The following DNAH11 variants were observed in gnomAD, a reference collection of about 807,000 sequenced individuals.
The protein encoded by DNAH11 is dynein axonemal heavy chain 11.
In DNAH11, 442 loss-of-function variants were observed where a neutral mutation model predicts 526.0. The ratio of observed to expected loss-of-function variants is 0.84; its 90% CI spans 0.78 to 0.91. The LOEUF (loss-of-function observed/expected upper bound fraction) is 0.91, where lower values mean the gene tolerates loss of function less well. Among genes scored for constraint, DNAH11 ranks in the 40% least tolerant of loss-of-function variants. The pLI is 0.00. For missense variants in DNAH11, 6,989 were observed against 5,448.7 expected (o/e 1.28, Z -8.90); for synonymous variants, 2,461 against 1,935.9 (o/e 1.27, Z -7.12).
intron 28 of DNAH11, among the ~76,000 whole-genome samples, chr7:21,647,575 G>A (rs989238674): frequency 1.3e-5 from 2 of 151,842 alleles, no homozygotes; most frequent in African/African-American, 2.4e-5. Context: ...GACTACAGGC[G>A]CCTACCACCA....
At position 21,662,826 on chromosome 7, in the gene DNAH11, T is replaced by A. The variant is rs899516224; in HGVS notation, c.5328+3795T>A. 1.3e-5 allele frequency among the ~76,000 whole-genome samples: 2 copies of A among 152,120 alleles called. 1 individual carries two copies. The highest frequency in any genetic ancestry group is 1.3e-4 in the Admixed American group (2 of 15,248). ...TAAATTGGACTTTTTCATTTAAAAT[T>A]TTTTTAAATTTTATTTGCAGAAATG... On this transcript the variant is annotated intron_variant, in intron 30 of 81. Transcript: ENST00000409508.
At chr7:21,743,381 T>A (rs1786002074) in intron 49 of DNAH11, among the ~76,000 whole-genome samples, 1 of 152,192 alleles carries the variant, frequency 6.6e-6, no homozygotes, top group African/African-American at 2.4e-5. Context: ...AAGGACAGTG[T>A]TTATGTATTT....
At chr7:21,611,694 G>T (rs1267187710) in intron 20 of DNAH11, among the ~76,000 whole-genome samples, 2 of 152,160 alleles carry the variant, frequency 1.3e-5, no homozygotes, top group African/African-American at 4.8e-5. Context: ...TGTTAGAAAT[G>T]ATGATTAGGC....
At chr7:21,741,795 A>T in intron 48 of DNAH11, 132 bp from the exon 49 acceptor site, 2 of 1,008,584 alleles carry the variant, frequency 2.0e-6, no homozygotes, top group Non-Finnish European at 1.4e-6. Context: ...CCAACCCCAG[A>T]GTCAGAGTGG....
chr7:21,673,667 A>G (rs1186583516), intron 30 of DNAH11, among the ~76,000 whole-genome samples: 4 of 152,130 alleles, frequency 2.6e-5, no homozygotes, highest in Non-Finnish European at 1.5e-5. Context: ...GTAATTAAAC[A>G]TGCCCAACTC....
intron 29 of DNAH11, 92 bp from the exon 30 acceptor site, chr7:21,658,702 GGCAT>G: frequency 1.0e-6 from 1 of 972,480 alleles, no homozygotes. Context: ...ATCCACCTGG[GGCAT>G]TACCCTCTGC....
chr7:21,863,611 A>G (rs575130790), intron 69 of DNAH11, among the ~76,000 whole-genome samples: 5 of 152,258 alleles, frequency 3.3e-5, no homozygotes, highest in Non-Finnish European at 7.4e-5. Flanking sequence ...CAGGCATGAA[A>G]TACTTGTTTT....
intron 8 of DNAH11, among the ~76,000 whole-genome samples, chr7:21,572,694 C>A (rs73066486): frequency 0.12 from 17,707 of 152,206 alleles, 1,265 homozygotes; most frequent in East Asian, 0.21. Context: ...ACAATTGATT[C>A]TTTGAAGTGT....
chr7:21,808,289 G>A (rs990864688), intron 63 of DNAH11, among the ~76,000 whole-genome samples: 2 of 151,946 alleles, frequency 1.3e-5, no homozygotes, highest in African/African-American at 4.8e-5. Flanking sequence ...TATTTTTGGG[G>A]TAATGTGATA....
At chr7:21,663,589 C>G (rs1256046382) in intron 30 of DNAH11, among the ~76,000 whole-genome samples, 2 of 151,970 alleles carry the variant, frequency 1.3e-5, no homozygotes, top group Admixed American at 6.6e-5. Context: ...AGCATTTTTT[C>G]AGATGTCCTT....
At chr7:21,664,134 G>T (rs867267282) in intron 30 of DNAH11, among the ~76,000 whole-genome samples, 34 of 131,350 alleles carry the variant, frequency 2.6e-4, no homozygotes, top group Non-Finnish European at 3.4e-4. Context: ...ATTTCCCAAA[G>T]TTTTTTTTTT....
chr7:21,880,951 G>C, intron 75 of DNAH11, 58 bp downstream of exon 75: 1 of 1,446,094 alleles, frequency 6.9e-7, no homozygotes, highest in Non-Finnish European at 9.3e-7. Context: ...GTCAGTCTTT[G>C]GGCACTATCA....
chr7:21,685,597 G>A (rs1783339308), intron 32 of DNAH11, among the ~76,000 whole-genome samples: 1 of 152,182 alleles, frequency 6.6e-6, no homozygotes, highest in African/African-American at 2.4e-5. Flanking sequence ...GTAGGCAGGG[G>A]AGATAGTGTC....
rs148598446 is a variant in DNAH11 at position 21,587,509 on chromosome 7, G to A, written c.1711-555G>A. 5.9e-3 allele frequency among the ~76,000 whole-genome samples: 903 copies of A among 152,258 alleles called. 7 individuals are homozygous for A. The highest frequency in any genetic ancestry group is 0.02 in the African/African-American group (843 of 41,544). Reference sequence around the variant, plus strand: ...TTTGAGCCAGGACAGTCATCCACCTGTGGAGTGGTTGTCCTTGTAACAGTC... The same window carrying A: ...TTTGAGCCAGGACAGTCATCCACCTATGGAGTGGTTGTCCTTGTAACAGTC... On this transcript the variant is annotated intron_variant, in intron 9 of 81. Transcript: ENST00000409508.
chr7:21,596,228 C>G (rs1784856121), intron 14 of DNAH11, among the ~76,000 whole-genome samples: 1 of 152,158 alleles, frequency 6.6e-6, no homozygotes, highest in African/African-American at 2.4e-5. Context: ...ACAAGGTCCA[C>G]AAACAGGCTG....
At chr7:21,818,167 A>G (rs1562564470) in intron 64 of DNAH11, 50 bp from the exon 65 acceptor site, 1 of 1,575,848 alleles carries the variant, frequency 6.3e-7, no homozygotes, top group Admixed American at 1.9e-5. Context: ...AATTTTGAAC[A>G]TTTTGTGCCA....
chr7:21,747,024 G>T (rs1786179607), intron 51 of DNAH11, among the ~76,000 whole-genome samples: 1 of 152,180 alleles, frequency 6.6e-6, no homozygotes. Flanking sequence ...GGGATTATGA[G>T]CTAGAAGCTG....
intron 50 of DNAH11, 96 bp downstream of exon 50, chr7:21,744,695 C>A: frequency 6.6e-7 from 1 of 1,505,028 alleles, no homozygotes. Context: ...TGCACAAGGG[C>A]TTACCTTTTT....
intron 74 of DNAH11, among the ~76,000 whole-genome samples, chr7:21,878,183 AG>A (rs1408376301): frequency 2.6e-5 from 4 of 152,216 alleles, no homozygotes; most frequent in African/African-American, 9.6e-5. Context: ...GTGGAATGGT[AG>A]GTAGACTCAT....
Sources: gnomAD v4.1 joint callset for allele counts (sites outside exome capture counted in the v4.1 genomes callset) on GRCh38, gnomAD v4.1.1 for gene constraint, MANE v1.5 for transcripts, NCBI Gene and HGNC (gene_info 2026-07-23, HGNC 2026-07-21) for gene names.